The following SPATA7 variants were observed in gnomAD, a reference collection of about 807,000 sequenced individuals.
The protein encoded by SPATA7 is spermatogenesis associated 7, also known as spermatogenesis-associated protein 7.
A neutral mutation model predicts 51.8 loss-of-function variants in SPATA7; 43 were observed. The ratio of observed to expected loss-of-function variants is 0.83; its 90% CI spans 0.65 to 1.07. The LOEUF is 1.07. Ranked by LOEUF, SPATA7 falls within the 50% of genes least tolerant of loss-of-function variation. SPATA7 has a pLI of 0.00. For synonymous variants in SPATA7, 230 were observed against 252.8 expected, an observed-to-expected ratio of 0.91 and a Z score of 0.86; for missense variants, 683 against 701.3, an observed-to-expected ratio of 0.97 and a Z score of 0.30.
chr14:88,456,831 T>G (rs546276433), downstream of SPATA7, among the ~76,000 whole-genome samples: 44 of 152,302 alleles, frequency 2.9e-4, no homozygotes, highest in Middle Eastern at 3.4e-3. Flanking sequence ...TTGCCTAGGT[T>G]TTCTTCTAGG....
chr14:88,404,058 C>G (rs1409843694), intron 4 of SPATA7, among the ~76,000 whole-genome samples: 1 of 151,958 alleles, frequency 6.6e-6, no homozygotes, highest in Non-Finnish European at 1.5e-5. Flanking sequence ...AAATTATTAC[C>G]TAAGCAACCT....
chr14:88,438,920 C>A (rs182486059), downstream of SPATA7, among the ~76,000 whole-genome samples: 198 of 152,288 alleles, frequency 1.3e-3, 2 homozygotes, highest in African/African-American at 4.4e-3. Context: ...GACTTTCTAT[C>A]ACCTTTACCG....
At chr14:88,427,176 A>G (rs1335394100) in intron 6 of SPATA7, among the ~76,000 whole-genome samples, 1 of 152,178 alleles carries the variant, frequency 6.6e-6, no homozygotes, top group Non-Finnish European at 1.5e-5. Context: ...AATAATTTTA[A>G]ATTGGGATAA....
Position 88,429,250 on chromosome 14 carries a change from G to A in SPATA7, c.913-98G>A, listed in dbSNP as rs80006122. On this transcript the variant is annotated intron_variant, in intron 7 of 11. Transcript: ENST00000393545. ...CGTACTGTATAATTTTTATCTACTG[G>A]ATATCTCTGTTCAATCACTTAAAAT... The A allele has an allele frequency of 3.9e-4, 270 of 696,994 alleles. 6 individuals carry two copies. In the East Asian group the frequency reaches 7.3e-3, roughly 19 times the overall value. The allele number at this position is 696,994 out of a possible 1,614,324, so 43.2% of individuals were successfully genotyped here.
chr14:88,455,234 C>A, exon 4 of SPATA7: 1 of 379,034 alleles, frequency 2.6e-6, no homozygotes, highest in Admixed American at 3.1e-5. Flanking sequence ...CCACAAATAT[C>A]CTGATTAATG....
chr14:88,390,255 AT>A (rs71126981), intron 1 of SPATA7, among the ~76,000 whole-genome samples: 574 of 144,258 alleles, frequency 4.0e-3, no homozygotes, highest in Admixed American at 4.1e-3. Flanking sequence ...TAAAATGGGA[AT>A]TTTTTTTTTT....
intron 4 of SPATA7, among the ~76,000 whole-genome samples, chr14:88,414,893 T>C (rs2076433595): frequency 6.6e-6 from 1 of 152,158 alleles, no homozygotes. Context: ...GATTTCTACC[T>C]TTTTTTCCAC....
intron 3 of SPATA7, among the ~76,000 whole-genome samples, chr14:88,449,566 A>C (rs2077236947): frequency 6.6e-6 from 1 of 152,144 alleles, no homozygotes. Context: ...TTTGGCTAGA[A>C]TGTTCTGTGA....
intron 1 of SPATA7, among the ~76,000 whole-genome samples, chr14:88,388,478 A>G (rs72695814): frequency 1.3e-5 from 2 of 152,318 alleles, no homozygotes; most frequent in Admixed American, 6.5e-5. Context: ...GTTTGAGGCT[A>G]CTTCTCCATG....
At chr14:88,424,139 CCCTTTTCTGATTT>C (rs2076726170) in intron 5 of SPATA7, among the ~76,000 whole-genome samples, 1 of 152,160 alleles carries the variant, frequency 6.6e-6, no homozygotes, top group Non-Finnish European at 1.5e-5. Flanking sequence ...AATTGATGAA[CCCTTTTCTGATTT>C]CAGAACTTTA....
chr14:88,435,333 G>A (rs1490609856), intron 10 of SPATA7, among the ~76,000 whole-genome samples: 4 of 151,976 alleles, frequency 2.6e-5, no homozygotes, highest in Admixed American at 2.0e-4. Flanking sequence ...TATATTTAAG[G>A]GGTACATGAG....
intron 4 of SPATA7, among the ~76,000 whole-genome samples, chr14:88,460,391 G>C (rs535631277): frequency 4.7e-4 from 67 of 142,782 alleles, no homozygotes; most frequent in African/African-American, 1.6e-3. Flanking sequence ...CATATTTCTT[G>C]GAGGCTTTGT....
At chr14:88,456,816 A>G (rs1027058945), downstream of SPATA7, among the ~76,000 whole-genome samples, 2 of 152,080 alleles carry the variant, frequency 1.3e-5, no homozygotes, top group Non-Finnish European at 2.9e-5. Context: ...ATGTCCTGAA[A>G]GGTATTGCCT....
chr14:88,454,645 C>T (rs1484200107), intron 3 of SPATA7, among the ~76,000 whole-genome samples: 1 of 151,984 alleles, frequency 6.6e-6, no homozygotes, highest in Non-Finnish European at 1.5e-5. Context: ...CATCTACACA[C>T]ACACACACAA....
intron 9 of SPATA7, 191 bp from the exon 10 acceptor site, chr14:88,432,944 G>A: frequency 1.8e-6 from 1 of 563,454 alleles, no homozygotes; most frequent in South Asian, 2.3e-5. Flanking sequence ...ATCACCTTTA[G>A]TAAATATTTA....
At chr14:88,446,884 G>A (rs1343218523) in intron 3 of SPATA7, among the ~76,000 whole-genome samples, 1 of 152,124 alleles carries the variant, frequency 6.6e-6, no homozygotes, top group Admixed American at 6.5e-5. Flanking sequence ...TACATTTGTT[G>A]AGGAGAGCTT....
chr14:88,392,558 A>G (rs2075772323), intron 2 of SPATA7, among the ~76,000 whole-genome samples: 1 of 152,206 alleles, frequency 6.6e-6, no homozygotes, highest in Admixed American at 6.5e-5. Flanking sequence ...TAATTATTGC[A>G]TAGGCTTGTA....
At chr14:88,393,795 A>G (rs17124630) in intron 3 of SPATA7, among the ~76,000 whole-genome samples, 2,161 of 152,254 alleles carry the variant, frequency 0.014, 18 homozygotes, top group East Asian at 0.023. Flanking sequence ...TTACACATCT[A>G]TGGAAGTTGC....
chr14:88,438,960 TC>T (rs1489885006), downstream of SPATA7, among the ~76,000 whole-genome samples: 6 of 152,200 alleles, frequency 3.9e-5, no homozygotes, highest in African/African-American at 1.4e-4. Flanking sequence ...AAGTCACAGG[TC>T]TTGCCCACAC....
Sources: gnomAD v4.1 joint callset for allele counts (sites outside exome capture counted in the v4.1 genomes callset) on GRCh38, gnomAD v4.1.1 for gene constraint, MANE v1.5 for transcripts, NCBI Gene and HGNC (gene_info 2026-07-23, HGNC 2026-07-21) for gene names.